Variants in TXLNB observed in about 807,000 individuals in gnomAD.
TXLNB encodes taxilin beta.
TXLNB carries 37 observed loss-of-function variants against 57.4 expected under a neutral mutation model. The observed-to-expected ratio is 0.64, with a 90% CI of 0.50 to 0.85. The LOEUF (loss-of-function observed/expected upper bound fraction) is 0.85, where lower values mean the gene tolerates loss of function less well. Among genes scored for constraint, TXLNB ranks in the 40% least tolerant of loss-of-function variants. The pLI is 0.00. For missense variants in TXLNB, 848 were observed against 825.6 expected, an observed-to-expected ratio of 1.03 and a Z score of -0.33; for synonymous variants, 302 against 309.6, an observed-to-expected ratio of 0.98 and a Z score of 0.26.
intron 8 of TXLNB, among the ~76,000 whole-genome samples, chr6:139,245,738 G>A (rs1776051858): frequency 6.6e-6 from 1 of 152,144 alleles, no homozygotes; most frequent in African/African-American, 2.4e-5. Flanking sequence ...TTTTGCCCAG[G>A]CTGGAGTGCA....
In TXLNB at chr6:139,262,580, T is replaced by G; in HGVS notation, c.881A>C (p.Glu294Ala). The G allele has an allele frequency of 6.2e-7, 1 of 1,611,956 alleles. No homozygotes were observed. The highest frequency in any genetic ancestry group is 8.5e-7 in the Non-Finnish European group (1 of 1,178,972). The stretch of plus-strand genomic sequence containing the variant: ...TAAGTTGTTTGATGTGGTTCTCACC[T>G]CCTCTCTGAGCTCATACTGATCGAT... ...SIIDQYELREEHLDKIFKHRE... is the reference protein window; with the variant it reads ...SIIDQYELREAHLDKIFKHRE... Residue 294 changes from glutamate to alanine, a missense_variant and splice_region_variant, in exon 5 of 10, where the codon GAG becomes GCG. By Grantham distance (107) the Glu-to-Ala change is moderately radical (BLOSUM62 -1). Transcript: ENST00000358430.
chr6:139,263,141 G>A (rs1776529430), intron 4 of TXLNB, among the ~76,000 whole-genome samples: 2 of 152,216 alleles, frequency 1.3e-5, no homozygotes. Flanking sequence ...ACTGATGGAT[G>A]AGACAGATCA....
chr6:139,288,918 T>C lies in TXLNB; in HGVS notation c.-14-5A>G, dbSNP rs1240429478. The stretch of plus-strand genomic sequence containing the variant: ...CCTCCATCTTGGGAGTAGTATCTAG[T>C]GGTAAGCACAGTTAGGCTTTATGTA... On this transcript the variant is annotated splice_region_variant and splice_polypyrimidine_tract_variant and intron_variant, in intron 1 of 9. Coordinates refer to ENST00000358430, the MANE Select transcript of TXLNB (RefSeq NM_153235.4). The C allele has an allele frequency of 6.2e-7, 1 of 1,602,954 alleles. No homozygotes were observed.
At chr6:139,228,923 A>G in the TXLNB span, among the ~76,000 whole-genome samples, 1 of 152,108 alleles carries the variant, frequency 6.6e-6, no homozygotes, top group Non-Finnish European at 1.5e-5. Flanking sequence ...ACTGTCTTTG[A>G]ACTAAATACT....
At chr6:139,316,228 G>GC in the TXLNB span, among the ~76,000 whole-genome samples, 2 of 152,080 alleles carry the variant, frequency 1.3e-5, no homozygotes, top group Non-Finnish European at 2.9e-5. Flanking sequence ...CTTCTCTTAG[G>GC]CCTACCTGTG....
At chr6:139,207,999 C>G in the TXLNB span, among the ~76,000 whole-genome samples, 2 of 152,014 alleles carry the variant, frequency 1.3e-5, no homozygotes, top group Non-Finnish European at 2.9e-5. Flanking sequence ...TTGCTTGGGC[C>G]TGGGAGGTGG....
At chr6:139,216,113 C>G in the TXLNB span, among the ~76,000 whole-genome samples, 3 of 152,144 alleles carry the variant, frequency 2.0e-5, no homozygotes, top group East Asian at 5.8e-4. Flanking sequence ...ACCCAGCCAT[C>G]TCATTACTGG....
the TXLNB span, chr6:139,177,084 C>T: frequency 1.2e-6 from 1 of 860,240 alleles, no homozygotes; most frequent in Non-Finnish European, 2.0e-6. This position sits in a 1 kb window ranked among gnomAD's most constrained non-coding sequence, Gnocchi z 4.9. Flanking sequence ...TTTCCTCCTT[C>T]AAAGTTCTCG....
chr6:139,246,303 C>G (rs1027313332), intron 8 of TXLNB, among the ~76,000 whole-genome samples: 1 of 152,112 alleles, frequency 6.6e-6, no homozygotes, highest in African/African-American at 2.4e-5. Context: ...AGTGGGAGAA[C>G]TGTAACATTT....
At chr6:139,201,282 G>C in the TXLNB span, among the ~76,000 whole-genome samples, 1 of 152,190 alleles carries the variant, frequency 6.6e-6, no homozygotes, top group Non-Finnish European at 1.5e-5. Context: ...CAATAGAACA[G>C]ACAGAATCAA....
At chr6:139,234,909 C>T in the TXLNB span, among the ~76,000 whole-genome samples, 1 of 152,214 alleles carries the variant, frequency 6.6e-6, no homozygotes, top group East Asian at 1.9e-4. Context: ...AAGGGCACTG[C>T]ACCCTGCAAA....
At chr6:139,257,194 C>CT (rs1776366203) in intron 6 of TXLNB, among the ~76,000 whole-genome samples, 1 of 151,938 alleles carries the variant, frequency 6.6e-6, no homozygotes, top group African/African-American at 2.4e-5. Flanking sequence ...GGTTGTTAGG[C>CT]TTGTGTGTGT....
chr6:139,223,785 A>G, the TXLNB span, among the ~76,000 whole-genome samples: 1 of 152,304 alleles, frequency 6.6e-6, no homozygotes, highest in African/African-American at 2.4e-5. Flanking sequence ...TCATTAAAAA[A>G]TCAGGAAACA....
In TXLNB at chr6:139,255,557, G is replaced by C; in HGVS notation, c.1077+7C>G. ...AGCACCCCCATGCCTCGTCCACCTG[G>C]CCTCACCTGAGCCTGCAGGACTGTC... On this transcript the variant is annotated splice_region_variant and intron_variant, in intron 7 of 9. Transcript: ENST00000358430. The C allele has an allele frequency of 6.2e-7, 1 of 1,613,320 alleles. No individual in the cohort carries two copies. The highest frequency in any genetic ancestry group is 8.5e-7 in the Non-Finnish European group (1 of 1,179,418).
At chr6:139,164,145 TCTCAACCCACAGCACCCTCC>T in the TXLNB span, among the ~76,000 whole-genome samples, 1 of 152,008 alleles carries the variant, frequency 6.6e-6, no homozygotes, top group South Asian at 2.1e-4. Context: ...ACTCCTTATT[TCTCAACCCACAGCACCCTCC>T]CTCTGGCCTC....
the TXLNB span, among the ~76,000 whole-genome samples, chr6:139,219,627 C>T: frequency 6.6e-6 from 1 of 152,156 alleles, no homozygotes; most frequent in African/African-American, 2.4e-5. Flanking sequence ...CTAAAATAAG[C>T]AGGTTAGGAG....
At chr6:139,280,393 G>A (rs988599711) in intron 2 of TXLNB, among the ~76,000 whole-genome samples, 1 of 152,128 alleles carries the variant, frequency 6.6e-6, no homozygotes, top group Non-Finnish European at 1.5e-5. Context: ...ACTAAGTTTG[G>A]TGACAACTTA....
chr6:139,265,981 T>C (rs1253886574), intron 4 of TXLNB, among the ~76,000 whole-genome samples: 1 of 152,142 alleles, frequency 6.6e-6, no homozygotes, highest in East Asian at 1.9e-4. Context: ...TTTACACAAA[T>C]CTGATTGGCC....
the TXLNB span, among the ~76,000 whole-genome samples, chr6:139,190,160 G>A: frequency 0.55 from 82,877 of 151,920 alleles, 23,518 homozygotes; most frequent in Non-Finnish European, 0.58. Context: ...GTGATTCTTA[G>A]TCTGTTCAGG....
Sources: allele counts gnomAD v4.1 joint callset (sites outside exome capture counted in the v4.1 genomes callset), GRCh38; gene constraint gnomAD v4.1.1; non-coding constraint Gnocchi (gnomAD v3.1); transcripts MANE v1.5; gene names NCBI Gene and HGNC (gene_info 2026-07-23, HGNC 2026-07-21).